TOX3: variants seen among roughly 807,000 people sequenced by gnomAD.
The protein encoded by TOX3 is CAG trinucleotide repeat-containing gene F9 protein.
TOX3 carries 22 observed loss-of-function variants against 64.3 expected under a neutral mutation model. That is an observed-to-expected ratio of 0.34 (90% CI 0.24 to 0.49). The LOEUF is 0.49. Ranked by LOEUF, TOX3 falls within the 20% of genes least tolerant of loss-of-function variation. TOX3 has a pLI of 0.99. For synonymous variants in TOX3, 291 were observed against 273.6 expected (o/e 1.06, Z -0.63); for missense variants, 661 against 714.4 (o/e 0.93, Z 0.85).
At position 52,439,199 on chromosome 16, in the gene TOX3, C is replaced by T. The variant is rs756606995; in HGVS notation, c.*26G>A. Reference sequence around the variant, plus strand: ...CTCCTATGCCACTCTCCTTGGTATACGCAAATCCGTCTGCCATATGCGTCT... The same window carrying T: ...CTCCTATGCCACTCTCCTTGGTATATGCAAATCCGTCTGCCATATGCGTCT... On this transcript the variant is annotated 3_prime_UTR_variant, in exon 7 of 7. Coordinates refer to ENST00000219746, the MANE Select transcript of TOX3 (RefSeq NM_001080430.4). 6.3e-5 allele frequency: 102 copies of T among 1,613,390 alleles called. No homozygotes were observed. The highest frequency in any genetic ancestry group is 2.6e-4 in the South Asian group (24 of 90,954).
intron 3 of TOX3, among the ~76,000 whole-genome samples, chr16:52,462,658 T>C (rs760403806): frequency 6.6e-6 from 1 of 152,146 alleles, no homozygotes; most frequent in Non-Finnish European, 1.5e-5. Context: ...TTTATTTTTA[T>C]TCTTTTCTAA....
At chr16:52,462,262 A>C (rs2151754485) in intron 3 of TOX3, among the ~76,000 whole-genome samples, 1 of 152,206 alleles carries the variant, frequency 6.6e-6, no homozygotes, top group Middle Eastern at 3.4e-3. Context: ...AGAAGCATTA[A>C]AAATTGAGTC....
chr16:52,502,623 A>G (rs956094706), intron 1 of TOX3, among the ~76,000 whole-genome samples: 3 of 152,246 alleles, frequency 2.0e-5, no homozygotes, highest in Non-Finnish European at 4.4e-5. Flanking sequence ...GAAGAATGCC[A>G]GAAAGTTCTC....
At chr16:52,541,211 C>T (rs1158711403) in intron 1 of TOX3, among the ~76,000 whole-genome samples, 1 of 152,146 alleles carries the variant, frequency 6.6e-6, no homozygotes, top group African/African-American at 2.4e-5. Context: ...CACTGCCCTA[C>T]AAAATGATCA....
intron 1 of TOX3, among the ~76,000 whole-genome samples, chr16:52,529,457 A>G (rs1425199606): frequency 6.6e-6 from 1 of 152,224 alleles, no homozygotes; most frequent in Admixed American, 6.5e-5. Context: ...TGCTTTAAGT[A>G]TTTATTCATA....
intron 1 of TOX3, among the ~76,000 whole-genome samples, chr16:52,536,665 A>G (rs1596868360): frequency 1.6e-5 from 2 of 126,146 alleles, no homozygotes; most frequent in East Asian, 4.7e-4. Flanking sequence ...ATATATATAT[A>G]TATATATATA....
At chr16:52,509,986 A>G (rs746454494) in intron 1 of TOX3, among the ~76,000 whole-genome samples, 5 of 152,032 alleles carry the variant, frequency 3.3e-5, no homozygotes, top group African/African-American at 4.8e-5. Flanking sequence ...CCTACCAGAA[A>G]CCAGAGATAT....
chr16:52,481,975 C>T (rs1567327834), intron 1 of TOX3, among the ~76,000 whole-genome samples: 1 of 152,146 alleles, frequency 6.6e-6, no homozygotes, highest in Non-Finnish European at 1.5e-5. Context: ...TTCCTCCCAA[C>T]CAACTATTCC....
intron 1 of TOX3, among the ~76,000 whole-genome samples, chr16:52,475,246 TAAG>T (rs940459659): frequency 8.5e-5 from 13 of 152,320 alleles, no homozygotes; most frequent in African/African-American, 3.1e-4. Context: ...GATGTCCCAG[TAAG>T]AAGAAGAGTG....
intron 3 of TOX3, among the ~76,000 whole-genome samples, chr16:52,451,828 G>A (rs554610279): frequency 2.6e-5 from 4 of 152,186 alleles, no homozygotes; most frequent in African/African-American, 9.7e-5. Context: ...TAATGAATTA[G>A]ATTTATGTGC....
intron 1 of TOX3, among the ~76,000 whole-genome samples, chr16:52,470,169 A>G (rs2151760396): frequency 6.6e-6 from 1 of 152,362 alleles, no homozygotes; most frequent in South Asian, 2.1e-4. Flanking sequence ...AATGTTAAAT[A>G]CATGCAAGAA....
At chr16:52,527,465 A>G (rs1261062418) in intron 1 of TOX3, among the ~76,000 whole-genome samples, 1 of 152,206 alleles carries the variant, frequency 6.6e-6, no homozygotes, top group African/African-American at 2.4e-5. Flanking sequence ...TATTTTCTCA[A>G]ATGAACAAAG....
At chr16:52,463,188 G>A (rs1421613244) in intron 3 of TOX3, among the ~76,000 whole-genome samples, 1 of 152,040 alleles carries the variant, frequency 6.6e-6, no homozygotes, top group African/African-American at 2.4e-5. Flanking sequence ...TTTTAAAAAT[G>A]TCTACTTAGT....
chr16:52,532,614 T>C (rs988188787), intron 1 of TOX3, among the ~76,000 whole-genome samples: 2 of 152,200 alleles, frequency 1.3e-5, no homozygotes, highest in Non-Finnish European at 2.9e-5. Flanking sequence ...ATATGTGTTT[T>C]TGAAGTCACA....
At chr16:52,521,925 T>C (rs1962622502) in intron 1 of TOX3, among the ~76,000 whole-genome samples, 1 of 152,194 alleles carries the variant, frequency 6.6e-6, no homozygotes, top group Non-Finnish European at 1.5e-5. Context: ...TGCCTGTTGA[T>C]TTGAAGGAAT....
chr16:52,516,898 T>C (rs1962473543), intron 1 of TOX3, among the ~76,000 whole-genome samples: 1 of 152,124 alleles, frequency 6.6e-6, no homozygotes, highest in African/African-American at 2.4e-5. Flanking sequence ...TTTTATTGTA[T>C]GTAACATATC....
intron 4 of TOX3, 36 bp from the exon 5 acceptor site, chr16:52,446,257 T>C (rs1960159798): frequency 1.0e-5 from 16 of 1,594,508 alleles, no homozygotes; most frequent in Non-Finnish European, 1.4e-5. Context: ...GCCTAGAATG[T>C]ACTTGCAGAG....
intron 6 of TOX3, among the ~76,000 whole-genome samples, chr16:52,442,403 T>C (rs1960025039): frequency 1.3e-5 from 2 of 152,178 alleles, no homozygotes; most frequent in Admixed American, 1.3e-4. Flanking sequence ...AAAGATCGAC[T>C]TCATTTCCCT....
chr16:52,527,498 G>A (rs755470878), intron 1 of TOX3, among the ~76,000 whole-genome samples: 26 of 152,312 alleles, frequency 1.7e-4, no homozygotes, highest in Non-Finnish European at 2.9e-4. Context: ...CAATCCGCCA[G>A]ATCACACAGC....
Sources: gnomAD v4.1 joint callset for allele counts (sites outside exome capture counted in the v4.1 genomes callset) on GRCh38, gnomAD v4.1.1 for gene constraint, MANE v1.5 for transcripts, NCBI Gene and HGNC (gene_info 2026-07-23, HGNC 2026-07-21) for gene names.